Variants in TARS2 observed in about 807,000 individuals in gnomAD.
TARS2 encodes threonyl-tRNA synthetase 2, mitochondrial.
TARS2 carries 61 observed loss-of-function variants against 94.4 expected under a neutral mutation model. The observed-to-expected ratio is 0.65, with a 90% confidence interval of 0.53 to 0.80. The LOEUF (loss-of-function observed/expected upper bound fraction) is 0.80. TARS2 is among the 30% of genes least tolerant of loss of function. The pLI, the probability that TARS2 is intolerant of heterozygous loss-of-function variation, is 0.00. For synonymous variants in TARS2, 359 were observed against 353.4 expected, an observed-to-expected ratio of 1.02 and a Z score of -0.18; for missense variants, 704 against 902.5, an observed-to-expected ratio of 0.78 and a Z score of 2.82.
intron 7 of TARS2, among the ~76,000 whole-genome samples, 174 bp from the exon 8 acceptor site, chr1:150,496,308 A>G (rs1669660602): frequency 6.6e-6 from 1 of 152,150 alleles, no homozygotes; most frequent in South Asian, 2.1e-4. Flanking sequence ...GGCAATTTCA[A>G]CACTTTAATC....
chr1:150,489,360 C>A, intron 3 of TARS2: 1 of 421,232 alleles, frequency 2.4e-6, no homozygotes, highest in Non-Finnish European at 4.5e-6. Flanking sequence ...TCAGCCCCCT[C>A]AACTCTTGAG....
intron 13 of TARS2, among the ~76,000 whole-genome samples, chr1:150,502,555 T>G (rs1669975591): frequency 6.6e-6 from 1 of 151,876 alleles, no homozygotes; most frequent in Non-Finnish European, 1.5e-5. Context: ...CAGCTAATTT[T>G]TGTATTCCCT....
chr1:150,487,787 G>A, intron 1 of TARS2, 71 bp from the exon 2 acceptor site: 1 of 1,559,288 alleles, frequency 6.4e-7, no homozygotes, highest in South Asian at 1.2e-5. Flanking sequence ...CCATCCCAAA[G>A]TGCCATCATC....
In TARS2 at chr1:150,491,530, G is replaced by A. The variant is rs587674636; in HGVS notation, c.630+19G>A. 1.4e-5 allele frequency: 23 copies of A among 1,613,090 alleles called. No homozygotes were observed. In the East Asian group the frequency reaches 4.5e-4, roughly 31 times the overall value. On this transcript the variant is annotated intron_variant, in intron 5 of 17. Coordinates refer to ENST00000369064, the MANE Select transcript of TARS2 (RefSeq NM_025150.5). Reference sequence around the variant, plus strand: ...GTTCAAGGTGGGGTGGAGGGAAGAGGTGGCTCTTCCAGGACATCTTTGTGG... The same window carrying A: ...GTTCAAGGTGGGGTGGAGGGAAGAGATGGCTCTTCCAGGACATCTTTGTGG...
intron 1 of TARS2, 99 bp from the exon 2 acceptor site, chr1:150,487,759 C>A: frequency 6.7e-7 from 1 of 1,482,466 alleles, no homozygotes; most frequent in Non-Finnish European, 9.1e-7. Flanking sequence ...AGTAGGAATT[C>A]GGACGAAGTC....
rs757974434 is a variant in TARS2 at position 150,504,316 on chromosome 1, T to C, written c.1618-19T>C. ...AGTGCTTCTGGCTTATCTCGTGCCT[T>C]CCCATCTGTTTCCTGTAGATTGACG... On this transcript the variant is annotated intron_variant, in intron 13 of 17. Transcript: ENST00000369064. 1.2e-6 allele frequency: 2 copies of C among 1,613,476 alleles called. No individual in the cohort carries two copies. Among genetic ancestry groups the C allele is most frequent in the South Asian group, 2.2e-5 (2 of 91,024 alleles).
chr1:150,489,259 T>C, intron 3 of TARS2, 172 bp downstream of exon 3: 1 of 924,778 alleles, frequency 1.1e-6, no homozygotes, highest in Non-Finnish European at 1.7e-6. Context: ...TGAAAGTTTT[T>C]AACTTAGCTT....
intron 1 of TARS2, 53 bp from the exon 2 acceptor site, chr1:150,487,805 C>G: frequency 1.3e-6 from 2 of 1,579,014 alleles, no homozygotes; most frequent in East Asian, 2.2e-5. Context: ...ATCTGCAATT[C>G]TAAGAAAGAA....
Position 150,504,651 on chromosome 1 carries a change from C to T in TARS2, c.1738C>T (p.Arg580Cys), listed in dbSNP as rs1234609469. The T allele has an allele frequency of 2.5e-6, 4 of 1,613,488 alleles. No individual in the cohort carries two copies. Among genetic ancestry groups the T allele is most frequent in the Admixed American group, 1.7e-5 (1 of 60,006 alleles). ...TTCAAGGCAGGCGGGTGCCCTGGAG[C>T]GTCCAGTCCTCATTCACCGAGCAGT... ...QYKGQAGALE[R>C]PVLIHRAVLG... The change falls in exon 15 of 18, where the codon CGT (arginine) becomes TGT (cysteine). Residue 580 changes from arginine (R) to cysteine (C), a missense_variant. Transcript: ENST00000369064.
chr1:150,502,376 G>A (rs1437619936), intron 13 of TARS2, among the ~76,000 whole-genome samples: 2 of 144,666 alleles, frequency 1.4e-5, no homozygotes, highest in South Asian at 2.3e-4. Context: ...GCACCACCAC[G>A]CCCAGCTAAT....
chr1:150,502,197 T>A (rs896055328), intron 13 of TARS2, among the ~76,000 whole-genome samples: 1 of 151,208 alleles, frequency 6.6e-6, no homozygotes, highest in Non-Finnish European at 1.5e-5. Flanking sequence ...ATTACAGGCA[T>A]GAGCCATCTT....
chr1:150,497,386 G>T, intron 9 of TARS2, 144 bp from the exon 10 acceptor site: 1 of 681,878 alleles, frequency 1.5e-6, no homozygotes. Context: ...CTGCAGTCGG[G>T]GAGCATAGAG....
Position 150,500,198 on chromosome 1 carries a change from A to C in TARS2, c.1617+905A>C, listed in dbSNP as rs587680658. Among the ~76,000 whole-genome samples the C allele has an allele frequency of 4.0e-5, 6 of 151,880 alleles. No individual in the cohort carries two copies. The East Asian group carries it at 1.2e-3, about 30-fold the overall frequency. On this transcript the variant is annotated intron_variant, in intron 13 of 17. Coordinates refer to ENST00000369064, the MANE Select transcript of TARS2 (RefSeq NM_025150.5). The stretch of plus-strand genomic sequence containing the variant: ...TCTCAAAAAAAAAGAAGCCAAGGGG[A>C]AAAAAGGACTGAAAAGTGTCCACTG...
At position 150,507,029 on chromosome 1, in the gene TARS2, A is replaced by G. The variant is rs1359063052; in HGVS notation, c.2122A>G (p.Asn708Asp). The change falls in exon 18 of 18, where the codon AAC becomes GAC. Residue 708 changes from asparagine (N) to aspartate (D), a missense_variant. This residue lies in a region of TARS2 where 466 missense variants were observed against 609.5 expected (regional missense o/e 0.76). Coordinates refer to ENST00000369064, the MANE Select transcript of TARS2 (RefSeq NM_025150.5). ...EAVQRLVELQ[N>D]TRVPNAEEIF The stretch of plus-strand genomic sequence containing the variant: ...TGTGCAGCGACTGGTGGAGCTACAG[A>G]ACACGAGGGTCCCAAATGCCGAAGA... 1 of 1,614,026 alleles carries G rather than the reference A, an allele frequency of 6.2e-7. No individual in the cohort carries two copies. Among genetic ancestry groups the G allele is most frequent in the African/African-American group, 1.3e-5 (1 of 74,924 alleles).
In TARS2 at chr1:150,492,327, T is replaced by C. The variant is rs758349163; in HGVS notation, c.696-84T>C. On this transcript the variant is annotated intron_variant, in intron 6 of 17. Transcript: ENST00000369064. Reference sequence around the variant, plus strand: ...AGGACAGTTCCTTTCTCTTCACCTCTTCTGTCAGCTAAAGACCATGAGAGG... The same window carrying C: ...AGGACAGTTCCTTTCTCTTCACCTCCTCTGTCAGCTAAAGACCATGAGAGG... 8 of 1,398,432 alleles carry C rather than the reference T, an allele frequency of 5.7e-6. No homozygotes were observed. In the South Asian group the frequency reaches 8.1e-5, roughly 14 times the overall value. 86.6% of individuals were successfully genotyped at this position (1,398,432 alleles called of 1,614,324 possible).
intron 7 of TARS2, among the ~76,000 whole-genome samples, chr1:150,494,514 C>T (rs937656873): frequency 2.6e-5 from 4 of 151,558 alleles, no homozygotes; most frequent in South Asian, 4.2e-4. Flanking sequence ...CCAAGTTGGG[C>T]GGATCACTTG....
intron 7 of TARS2, among the ~76,000 whole-genome samples, chr1:150,495,216 T>C (rs1669607999): frequency 1.5e-5 from 2 of 137,380 alleles, no homozygotes; most frequent in Admixed American, 7.2e-5. Flanking sequence ...GTGGTGGTGG[T>C]GGCCTGTAGT....
intron 4 of TARS2, among the ~76,000 whole-genome samples, chr1:150,491,043 A>G (rs1183007991): frequency 7.2e-6 from 1 of 138,490 alleles, no homozygotes; most frequent in Non-Finnish European, 1.6e-5. Flanking sequence ...TGACACAGCA[A>G]GACACTTTCT....
chr1:150,495,012 T>A (rs1669595701), intron 7 of TARS2, among the ~76,000 whole-genome samples: 2 of 151,220 alleles, frequency 1.3e-5, no homozygotes, highest in South Asian at 4.2e-4. Context: ...AAACCCTGTC[T>A]ACTAAAAATA....
Sources: allele counts gnomAD v4.1 joint callset (sites outside exome capture counted in the v4.1 genomes callset), GRCh38; gene constraint gnomAD v4.1.1; regional missense constraint gnomAD v4.1.1; transcripts MANE v1.5; gene names NCBI Gene and HGNC (gene_info 2026-07-23, HGNC 2026-07-21).